SLC4A7: variants seen among roughly 807,000 people sequenced by gnomAD.
The protein encoded by SLC4A7 is solute carrier family 4 member 7.
In SLC4A7, 51 loss-of-function variants were observed where a neutral mutation model predicts 137.6. The observed-to-expected ratio is 0.37, with a 90% confidence interval of 0.30 to 0.47. SLC4A7 has a LOEUF of 0.47. SLC4A7 is among the 20% of genes least tolerant of loss of function. The pLI is 1.00. For missense variants in SLC4A7, 1,247 were observed against 1,525.4 expected, an observed-to-expected ratio of 0.82 and a Z score of 3.04; for synonymous variants, 542 against 518.6, an observed-to-expected ratio of 1.05 and a Z score of -0.61.
intron 1 of SLC4A7, chr3:27,457,046 T>C (rs926929855): frequency 2.0e-6 from 1 of 511,024 alleles, no homozygotes; most frequent in Non-Finnish European, 2.5e-6. Context: ...GTATGGTTTA[T>C]AATTATCATT....
At chr3:27,479,916 C>G (rs563211982) in intron 1 of SLC4A7, among the ~76,000 whole-genome samples, 1 of 152,252 alleles carries the variant, frequency 6.6e-6, no homozygotes, top group East Asian at 1.9e-4. Context: ...CAGATCCTAT[C>G]CACTTTAAGA....
At chr3:27,411,519 A>T (rs1576294170) in intron 12 of SLC4A7, 123 bp downstream of exon 12, 2 of 385,734 alleles carry the variant, frequency 5.2e-6, no homozygotes. Flanking sequence ...AATAATGCAC[A>T]TTTTTATACA....
intron 17 of SLC4A7, 46 bp downstream of exon 17, chr3:27,398,146 C>A (rs1348893570): frequency 5.5e-6 from 8 of 1,453,478 alleles, no homozygotes; most frequent in South Asian, 2.5e-5. Flanking sequence ...AAATAAAAAC[C>A]AAAAATATGA....
chr3:27,382,105 CA>C (rs1462308941), intron 24 of SLC4A7, among the ~76,000 whole-genome samples: 1 of 152,058 alleles, frequency 6.6e-6, no homozygotes, highest in East Asian at 1.9e-4. Context: ...GGTGTGTACA[CA>C]AATGTAAGTT....
intron 1 of SLC4A7, among the ~76,000 whole-genome samples, chr3:27,473,648 T>C (rs1029648970): frequency 2.2e-5 from 3 of 134,800 alleles, no homozygotes; most frequent in Non-Finnish European, 3.0e-5. Context: ...GTGGAGGGTG[T>C]AGTGAGCCGA....
At chr3:27,442,190 T>C (rs2057252084) in intron 3 of SLC4A7, among the ~76,000 whole-genome samples, 1 of 152,192 alleles carries the variant, frequency 6.6e-6, no homozygotes, top group South Asian at 2.1e-4. Context: ...CTGGCATTGA[T>C]TGTAGTTTTG....
At chr3:27,464,313 TAG>T (rs1346943136) in intron 1 of SLC4A7, among the ~76,000 whole-genome samples, 30 of 152,244 alleles carry the variant, frequency 2.0e-4, no homozygotes, top group African/African-American at 6.3e-4. Context: ...CATGTTTCTC[TAG>T]AGAGATTAAA....
intron 1 of SLC4A7, among the ~76,000 whole-genome samples, chr3:27,466,262 T>A (rs1468544381): frequency 1.3e-5 from 2 of 151,174 alleles, no homozygotes; most frequent in African/African-American, 4.9e-5. Context: ...CCATCCTGGC[T>A]AACACGGTGA....
In SLC4A7 at chr3:27,373,308, C is replaced by T. The variant is rs1461918031; in HGVS notation, c.*3456G>A. ...GTTTTTGAAAAGTTAGAAAAGAAACCAATTTATATGAAGATTGCCAAATTT... is the reference window on the plus strand; with the variant it reads ...GTTTTTGAAAAGTTAGAAAAGAAACTAATTTATATGAAGATTGCCAAATTT... On this transcript the variant is annotated 3_prime_UTR_variant, in exon 26 of 26. Coordinates refer to ENST00000454389, the MANE Select transcript of SLC4A7 (RefSeq NM_001321103.2). 2.0e-5 allele frequency: 3 copies of T among 151,952 alleles called. No homozygotes were observed. Among genetic ancestry groups the T allele is most frequent in the African/African-American group, 7.2e-5 (3 of 41,412 alleles). 9.4% of individuals were successfully genotyped at this position (151,952 alleles called of 1,614,324 possible).
At chr3:27,439,014 A>C (rs193052209) in intron 3 of SLC4A7, among the ~76,000 whole-genome samples, 1 of 152,306 alleles carries the variant, frequency 6.6e-6, no homozygotes, top group East Asian at 1.9e-4. Flanking sequence ...GGACAGTTGA[A>C]AGCCCTAGGG....
chr3:27,411,539 A>C (rs113455209), intron 12 of SLC4A7, 103 bp downstream of exon 12: 5,911 of 465,570 alleles, frequency 0.013, 62 homozygotes, highest in South Asian at 0.018. Context: ...ATATGAAAAA[A>C]TACTGTACAA....
intron 3 of SLC4A7, among the ~76,000 whole-genome samples, chr3:27,444,298 TTTTC>T (rs2057429196): frequency 6.6e-6 from 1 of 152,194 alleles, no homozygotes; most frequent in Non-Finnish European, 1.5e-5. Flanking sequence ...CCATTATATG[TTTTC>T]TTTATGTTTC....
chr3:27,452,651 GT>G (rs1178608254), intron 1 of SLC4A7, among the ~76,000 whole-genome samples, 153 bp from the exon 2 acceptor site: 2 of 152,114 alleles, frequency 1.3e-5, no homozygotes, highest in Non-Finnish European at 2.9e-5. Flanking sequence ...TTAAAATTAT[GT>G]TTACAAGCTT....
At chr3:27,434,156 TAGGAATA>T (rs776480321) in intron 5 of SLC4A7, 52 bp from the exon 6 acceptor site, 1 of 1,360,850 alleles carries the variant, frequency 7.3e-7, no homozygotes, top group South Asian at 1.4e-5. Flanking sequence ...GACCATAATA[TAGGAATA>T]AACTGTGAGT....
intron 3 of SLC4A7, among the ~76,000 whole-genome samples, chr3:27,444,553 G>T (rs58619800): frequency 0.055 from 8,359 of 152,016 alleles, 765 homozygotes; most frequent in African/African-American, 0.19. Flanking sequence ...CTTGAAAACC[G>T]CTGATTACTT....
rs2049759736 is a variant in SLC4A7 at position 27,374,360 on chromosome 3, G to T, written c.*2404C>A. On this transcript the variant is annotated 3_prime_UTR_variant, in exon 26 of 26. Coordinates refer to ENST00000454389, the MANE Select transcript of SLC4A7 (RefSeq NM_001321103.2). ...GCACCTTGAGGTAAATCAGTACATA[G>T]CAACTACTACTGCTTACATACACTT... 1 of 152,478 alleles carries T rather than the reference G, an allele frequency of 6.6e-6. No individual in the cohort carries two copies. Among genetic ancestry groups the T allele is most frequent in the Non-Finnish European group, 1.5e-5 (1 of 67,922 alleles). The allele number at this position is 152,478 out of a possible 1,614,324, so 9.4% of individuals were successfully genotyped here.
chr3:27,464,253 T>G (rs959536434), intron 1 of SLC4A7, among the ~76,000 whole-genome samples: 4 of 152,224 alleles, frequency 2.6e-5, no homozygotes, highest in African/African-American at 9.7e-5. Context: ...TGTGTTTATA[T>G]GAACACAAAA....
At chr3:27,445,479 C>T (rs2057518860) in intron 3 of SLC4A7, among the ~76,000 whole-genome samples, 1 of 152,066 alleles carries the variant, frequency 6.6e-6, no homozygotes, top group African/African-American at 2.4e-5. Flanking sequence ...TGTGCTGCCT[C>T]TTATACAATG....
intron 7 of SLC4A7, among the ~76,000 whole-genome samples, chr3:27,426,290 T>C (rs1438340960): frequency 6.6e-6 from 1 of 152,240 alleles, no homozygotes; most frequent in Non-Finnish European, 1.5e-5. Flanking sequence ...ACTCATTTCT[T>C]ACAACCTTAG....
Sources: allele counts gnomAD v4.1 joint callset (sites outside exome capture counted in the v4.1 genomes callset), GRCh38; gene constraint gnomAD v4.1.1; transcripts MANE v1.5; gene names NCBI Gene and HGNC (gene_info 2026-07-23, HGNC 2026-07-21).